The following ZNF704 variants were observed in gnomAD, a reference collection of about 807,000 sequenced individuals.
The protein encoded by ZNF704 is zinc finger protein 704.
In ZNF704, 10 loss-of-function variants were observed where a neutral mutation model predicts 44.7. The observed-to-expected ratio is 0.22, with a 90% CI of 0.14 to 0.38. The LOEUF (loss-of-function observed/expected upper bound fraction) is 0.38. Among genes scored for constraint, ZNF704 ranks in the 10% least tolerant of loss-of-function variants. ZNF704 has a pLI of 1.00. For synonymous variants in ZNF704, 211 were observed against 207.6 expected (o/e 1.02, Z -0.14); for missense variants, 390 against 545.5 (o/e 0.71, Z 2.84).
At chr8:80,782,472 T>C (rs1451231515) in intron 2 of ZNF704, among the ~76,000 whole-genome samples, 2 of 152,204 alleles carry the variant, frequency 1.3e-5, no homozygotes, top group Non-Finnish European at 2.9e-5. Context: ...GCTGAAGTAC[T>C]TAATATAATT....
At chr8:80,685,352 T>A (rs1304796146) in intron 4 of ZNF704, among the ~76,000 whole-genome samples, 1 of 152,034 alleles carries the variant, frequency 6.6e-6, no homozygotes, top group African/African-American at 2.4e-5. Flanking sequence ...GTGCCTTAAA[T>A]AACATTGGGG....
At chr8:80,745,438 G>T (rs73692121) in intron 2 of ZNF704, among the ~76,000 whole-genome samples, 6,199 of 152,188 alleles carry the variant, frequency 0.041, 446 homozygotes, top group African/African-American at 0.14. Flanking sequence ...TCCAGGACTA[G>T]AAAAATGCTC....
intron 4 of ZNF704, among the ~76,000 whole-genome samples, chr8:80,681,570 A>C (rs1477285498): frequency 6.6e-6 from 1 of 152,214 alleles, no homozygotes; most frequent in African/African-American, 2.4e-5. Context: ...AGAGACAGTC[A>C]AAACTCACTA....
intron 4 of ZNF704, among the ~76,000 whole-genome samples, chr8:80,672,886 C>A (rs1818304436): frequency 6.6e-6 from 1 of 151,766 alleles, no homozygotes; most frequent in South Asian, 2.1e-4. Flanking sequence ...ATGTAACGAA[C>A]CTGCATAGGT....
upstream of ZNF704, among the ~76,000 whole-genome samples, chr8:80,877,430 A>G (rs1809370307): frequency 6.6e-6 from 1 of 152,016 alleles, no homozygotes; most frequent in African/African-American, 2.4e-5. Context: ...AAAAGATCTC[A>G]TGATGTGGGC....
At chr8:80,696,838 A>G (rs1210705361) in intron 2 of ZNF704, among the ~76,000 whole-genome samples, 1 of 152,206 alleles carries the variant, frequency 6.6e-6, no homozygotes, top group Non-Finnish European at 1.5e-5. Context: ...AGCCTGAGGT[A>G]AGTTTATTTT....
chr8:80,826,114 T>C (rs1808369757), intron 1 of ZNF704, among the ~76,000 whole-genome samples: 1 of 152,016 alleles, frequency 6.6e-6, no homozygotes, highest in African/African-American at 2.4e-5. Context: ...CAAAAAACCC[T>C]TCAAAAAAAT....
At chr8:80,793,332 A>C (rs1807744173) in intron 2 of ZNF704, among the ~76,000 whole-genome samples, 1 of 152,204 alleles carries the variant, frequency 6.6e-6, no homozygotes, top group Non-Finnish European at 1.5e-5. Context: ...TCTGTAGGTT[A>C]TCCAAGTGAA....
chr8:80,779,469 G>C (rs1807473894), intron 2 of ZNF704, among the ~76,000 whole-genome samples: 1 of 151,550 alleles, frequency 6.6e-6, no homozygotes, highest in Non-Finnish European at 1.5e-5. Context: ...TTATCTCTTG[G>C]AAGATGAGGC....
intron 2 of ZNF704, among the ~76,000 whole-genome samples, chr8:80,744,068 T>C (rs1267827548): frequency 1.3e-5 from 2 of 152,196 alleles, no homozygotes; most frequent in African/African-American, 2.4e-5. Flanking sequence ...TGAGATGTAC[T>C]GTGAGTTTAA....
Position 80,823,491 on chromosome 8 carries a change from G to T in ZNF704, c.-21-1876C>A, listed in dbSNP as rs1034263394. Among the ~76,000 whole-genome samples the T allele has an allele frequency of 2.6e-5, 4 of 152,218 alleles. No homozygotes were observed. In the South Asian group the frequency reaches 8.3e-4, roughly 32 times the overall value. On this transcript the variant is annotated intron_variant, in intron 1 of 8. Transcript: ENST00000327835. ...CCTGCCTCTGTAGACTCCACCTCTG[G>T]GGGTAGGGCACAGCTGAACAAAAGG...
At position 80,786,775 on chromosome 8, in the gene ZNF704, AC is replaced by A. The variant is rs543410157; in HGVS notation, c.221+34598del. ...TGGAAACTCCTGCTCTGGGTCAGAG[AC>A]TGGACTCACCGATAGCCCAGATTTA... is the stretch of plus-strand genomic sequence containing the variant. On this transcript the variant is annotated intron_variant, in intron 2 of 8. Transcript: ENST00000327835. Among the ~76,000 whole-genome samples, 524 of 152,318 alleles carry A rather than the reference AC, an allele frequency of 3.4e-3. 6 individuals carry two copies. Among genetic ancestry groups the A allele is most frequent in the African/African-American group, 0.011 (452 of 41,576 alleles).
intron 1 of ZNF704, among the ~76,000 whole-genome samples, chr8:80,850,860 A>C (rs1808846358): frequency 6.6e-6 from 1 of 152,228 alleles, no homozygotes; most frequent in Non-Finnish European, 1.5e-5. Flanking sequence ...ATTGCCTAAC[A>C]TGAAGCAGGT....
At chr8:80,667,588 G>A (rs1012344332) in intron 5 of ZNF704, among the ~76,000 whole-genome samples, 3 of 152,122 alleles carry the variant, frequency 2.0e-5, no homozygotes, top group Admixed American at 1.3e-4. Context: ...CCTCTTTGTC[G>A]CTTCACTATG....
chr8:80,648,448 T>C (rs1364564334), intron 7 of ZNF704, among the ~76,000 whole-genome samples: 1 of 152,214 alleles, frequency 6.6e-6, no homozygotes, highest in Non-Finnish European at 1.5e-5. Flanking sequence ...CTTATTTTAG[T>C]TGAGGATGAG....
the ZNF704 span, among the ~76,000 whole-genome samples, chr8:80,880,212 G>A: frequency 1.3e-5 from 2 of 152,168 alleles, no homozygotes; most frequent in Non-Finnish European, 2.9e-5. Flanking sequence ...TCTTTGCTAT[G>A]TGCATCAGCT....
At chr8:80,691,351 T>C (rs1268773593) in intron 3 of ZNF704, among the ~76,000 whole-genome samples, 2 of 152,236 alleles carry the variant, frequency 1.3e-5, no homozygotes. Flanking sequence ...GCTTTCTCCC[T>C]TGGGGAGTGC....
intron 3 of ZNF704, among the ~76,000 whole-genome samples, chr8:80,687,713 T>A (rs753876543): frequency 6.6e-6 from 1 of 152,212 alleles, no homozygotes; most frequent in Non-Finnish European, 1.5e-5. Flanking sequence ...GTTTTTGTAT[T>A]GTGCAACACA....
At chr8:80,694,568 T>C (rs550781342) in intron 2 of ZNF704, among the ~76,000 whole-genome samples, 2 of 152,332 alleles carry the variant, frequency 1.3e-5, no homozygotes, top group African/African-American at 2.4e-5. Context: ...TGCTGTCTAA[T>C]TTGTAAAAGC....
Sources: gnomAD v4.1 joint callset for allele counts (sites outside exome capture counted in the v4.1 genomes callset) on GRCh38, gnomAD v4.1.1 for gene constraint, MANE v1.5 for transcripts, NCBI Gene and HGNC (gene_info 2026-07-23, HGNC 2026-07-21) for gene names.